Variants in MBNL1 observed in about 807,000 individuals in gnomAD.
MBNL1 encodes the protein muscleblind like splicing regulator 1, also known as muscleblind-like protein 1.
Under a neutral mutation model 42.2 loss-of-function variants are expected in MBNL1, and 8 were observed. The observed-to-expected ratio is 0.19, with a 90% CI of 0.11 to 0.34. The LOEUF (loss-of-function observed/expected upper bound fraction) is 0.34, where lower values mean the gene tolerates loss of function less well. Among genes scored for constraint, MBNL1 ranks in the 10% least tolerant of loss-of-function variants. The pLI, the probability that MBNL1 is intolerant of heterozygous loss-of-function variation, is 1.00. For missense variants in MBNL1, 309 were observed against 495.3 expected (o/e 0.62, Z 3.57); for synonymous variants, 169 against 173.9 (o/e 0.97, Z 0.22).
At chr3:152,406,019 T>TA (rs936063472) in intron 2 of MBNL1, among the ~76,000 whole-genome samples, 10 of 152,208 alleles carry the variant, frequency 6.6e-5, no homozygotes, top group East Asian at 1.9e-4. Context: ...CATGATGCTA[T>TA]AAAAAAAGCA....
chr3:152,432,877 C>T lies in MBNL1; in HGVS notation c.506C>T (p.Ala169Val). 1 of 1,613,866 alleles carries T rather than the reference C, an allele frequency of 6.2e-7. No homozygotes were observed. Among genetic ancestry groups the T allele is most frequent in the Non-Finnish European group, 8.5e-7 (1 of 1,179,790 alleles). The change falls in exon 4 of 10, where the codon GCT becomes GTT. Residue 169 changes from alanine (A) to valine (V), a missense_variant. Ala to Val is a moderately conservative substitution (Grantham distance 64). Transcript: ENST00000324210. ...GNPGVPVPAA[A>V]AAAAQKLMRT... is the part of the protein sequence containing the mutation. ...CCGGGTGTCCCTGTACCTGCAGCTGCTGCAGCTGCTGCACAGAAATTAATG... is the reference window on the plus strand; with the variant it reads ...CCGGGTGTCCCTGTACCTGCAGCTGTTGCAGCTGCTGCACAGAAATTAATG...
At chr3:152,324,864 A>G (rs927071803) in intron 2 of MBNL1, among the ~76,000 whole-genome samples, 5 of 152,120 alleles carry the variant, frequency 3.3e-5, no homozygotes, top group Non-Finnish European at 5.9e-5. Context: ...CATTTATTTC[A>G]GTGAATACAT....
intron 1 of MBNL1, among the ~76,000 whole-genome samples, chr3:152,292,036 G>A (rs1381885972): frequency 2.0e-5 from 3 of 152,176 alleles, no homozygotes; most frequent in African/African-American, 4.8e-5. Context: ...CTCAAAACGA[G>A]TCTGGACTGC....
At chr3:152,302,398 A>T (rs1000840354) in intron 2 of MBNL1, 1 of 152,144 alleles carries the variant, frequency 6.6e-6, no homozygotes, top group African/African-American at 2.4e-5. Flanking sequence ...CATACCCAGG[A>T]CAGTAGCTTC....
intron 2 of MBNL1, among the ~76,000 whole-genome samples, chr3:152,307,132 G>A (rs1577502721): frequency 6.6e-6 from 1 of 152,220 alleles, no homozygotes; most frequent in East Asian, 1.9e-4. Context: ...TGGTCCTACA[G>A]GCGTGTATCA....
In MBNL1 at chr3:152,299,870, C is replaced by T; in HGVS notation, c.-324C>T. The T allele has an allele frequency of 2.5e-6, 1 of 400,890 alleles. No homozygotes were observed. The allele number at this position is 400,890 out of a possible 1,614,324, so 24.8% of individuals were successfully genotyped here. The stretch of plus-strand genomic sequence containing the variant: ...GCTTGCATTTTGGGCTCCAAATTGG[C>T]ACTGGGAAGGGGTTACTGAGAGCAC... On this transcript the variant is annotated 5_prime_UTR_variant, in exon 2 of 10. Transcript: ENST00000324210.
upstream of MBNL1, chr3:152,268,569 G>A: frequency 2.8e-6 from 1 of 351,430 alleles, no homozygotes; most frequent in Admixed American, 3.8e-5. Flanking sequence ...CGTCCGGTCT[G>A]CACGCCCGCC....
intron 2 of MBNL1, among the ~76,000 whole-genome samples, chr3:152,306,203 A>T (rs994323060): frequency 6.6e-6 from 1 of 152,190 alleles, no homozygotes; most frequent in Non-Finnish European, 1.5e-5. Flanking sequence ...CACAGAAGTG[A>T]TTTAGACATT....
At chr3:152,315,993 A>T (rs2070987446) in intron 2 of MBNL1, among the ~76,000 whole-genome samples, 1 of 152,164 alleles carries the variant, frequency 6.6e-6, no homozygotes, top group African/African-American at 2.4e-5. Flanking sequence ...AAATAACTGT[A>T]ATATTAATAA....
chr3:152,389,701 A>C (rs1247145778), intron 2 of MBNL1, among the ~76,000 whole-genome samples: 1 of 152,090 alleles, frequency 6.6e-6, no homozygotes, highest in Non-Finnish European at 1.5e-5. Context: ...ATTTATGATG[A>C]CTGGAACTTG....
chr3:152,274,064 A>T (rs1405477556), intron 1 of MBNL1, among the ~76,000 whole-genome samples: 1 of 152,204 alleles, frequency 6.6e-6, no homozygotes, highest in African/African-American at 2.4e-5. Flanking sequence ...GTCCTGCTTT[A>T]GCTAAATTCA....
At chr3:152,406,671 CA>C (rs1178530394) in intron 2 of MBNL1, among the ~76,000 whole-genome samples, 1 of 151,950 alleles carries the variant, frequency 6.6e-6, no homozygotes, top group African/African-American at 2.4e-5. Flanking sequence ...CATAGTATCC[CA>C]GTGTTTGAGT....
intron 4 of MBNL1, among the ~76,000 whole-genome samples, chr3:152,433,516 C>T (rs964879308): frequency 1.3e-5 from 2 of 151,928 alleles, no homozygotes; most frequent in East Asian, 1.9e-4. Flanking sequence ...TTTGGGAGGC[C>T]GAGGCGGGCG....
intron 2 of MBNL1, among the ~76,000 whole-genome samples, chr3:152,323,009 C>T (rs1217819957): frequency 6.6e-6 from 1 of 152,120 alleles, no homozygotes; most frequent in Non-Finnish European, 1.5e-5. Context: ...AGGTCAGCAA[C>T]AGACTTGCCA....
chr3:152,328,470 G>A (rs943899178), intron 2 of MBNL1, among the ~76,000 whole-genome samples: 5 of 152,100 alleles, frequency 3.3e-5, no homozygotes, highest in Non-Finnish European at 7.4e-5. Context: ...CAGAAACTCA[G>A]CTTTTACTCA....
intron 2 of MBNL1, among the ~76,000 whole-genome samples, chr3:152,377,263 A>G (rs527280017): frequency 1.3e-5 from 2 of 152,274 alleles, no homozygotes; most frequent in South Asian, 2.1e-4. Context: ...CCTTGTTTTT[A>G]TGTGGGCCTT....
At chr3:152,352,761 G>A (rs1239344009) in intron 2 of MBNL1, among the ~76,000 whole-genome samples, 1 of 152,176 alleles carries the variant, frequency 6.6e-6, no homozygotes, top group Non-Finnish European at 1.5e-5. Flanking sequence ...TTACTGACCT[G>A]AGTCCTCTGG....
rs1211645140 is a variant in MBNL1 at position 152,300,192 on chromosome 3, A to T, written c.-2A>T. ...ACATTTAACTACCTGTAAAATCTAA[A>T]CATGGCTGTTAGTGTCACACCAATT... On this transcript the variant is annotated 5_prime_UTR_variant, in exon 2 of 10. Coordinates refer to ENST00000324210, the MANE Select transcript of MBNL1 (RefSeq NM_021038.5). The T allele has an allele frequency of 6.3e-7, 1 of 1,582,174 alleles. No individual in the cohort carries two copies. Among genetic ancestry groups the T allele is most frequent in the Admixed American group, 1.7e-5 (1 of 57,194 alleles).
At chr3:152,422,671 T>G (rs1000565800) in intron 3 of MBNL1, among the ~76,000 whole-genome samples, 8 of 152,204 alleles carry the variant, frequency 5.3e-5, no homozygotes, top group Non-Finnish European at 8.8e-5. Context: ...CACATAGCAC[T>G]TATTCTAACA....
Sources: allele counts gnomAD v4.1 joint callset (sites outside exome capture counted in the v4.1 genomes callset), GRCh38; gene constraint gnomAD v4.1.1; transcripts MANE v1.5; gene names NCBI Gene and HGNC (gene_info 2026-07-23, HGNC 2026-07-21).